XXYLT1: variants seen among roughly 807,000 people sequenced by gnomAD.
XXYLT1 encodes UDP-xylose:alpha-xyloside alpha-1,3-xylosyltransferase.
XXYLT1 carries 20 observed loss-of-function variants against 28.9 expected under a neutral mutation model. That is an observed-to-expected ratio of 0.69 (90% CI 0.49 to 1.00). The LOEUF (loss-of-function observed/expected upper bound fraction) is 1.00. Among genes scored for constraint, XXYLT1 ranks in the 50% least tolerant of loss-of-function variants. XXYLT1 has a pLI of 0.00. For missense variants in XXYLT1, 542 were observed against 560.1 expected, an observed-to-expected ratio of 0.97 and a Z score of 0.33; for synonymous variants, 257 against 253.8, an observed-to-expected ratio of 1.01 and a Z score of -0.12.
At chr3:195,185,047 C>G (rs550301641) in intron 2 of XXYLT1, among the ~76,000 whole-genome samples, 10 of 142,146 alleles carry the variant, frequency 7.0e-5, no homozygotes, top group African/African-American at 2.6e-4. Context: ...CCACAAATGA[C>G]CTCACTCCCA....
intron 2 of XXYLT1, among the ~76,000 whole-genome samples, chr3:195,169,256 G>A (rs774421444): frequency 4.6e-5 from 7 of 152,230 alleles, no homozygotes; most frequent in African/African-American, 1.7e-4. Context: ...GCTCCATCCC[G>A]GCACGGCAGC....
At chr3:195,229,820 GC>G (rs1377390047) in intron 1 of XXYLT1, among the ~76,000 whole-genome samples, 1 of 152,154 alleles carries the variant, frequency 6.6e-6, no homozygotes, top group Non-Finnish European at 1.5e-5. Flanking sequence ...CCAAATCCCA[GC>G]TATTGTGAAT....
At chr3:195,121,969 A>G (rs1718382086) in intron 3 of XXYLT1, 3 of 696,010 alleles carry the variant, frequency 4.3e-6, no homozygotes, top group Admixed American at 2.0e-5. Flanking sequence ...AGTTCAAGCT[A>G]TTATAACAAA....
intron 2 of XXYLT1, among the ~76,000 whole-genome samples, chr3:195,189,067 T>A (rs998393914): frequency 6.6e-5 from 10 of 152,182 alleles, no homozygotes; most frequent in Non-Finnish European, 1.2e-4. Context: ...CTACACTGAG[T>A]GATTTACATT....
intron 1 of XXYLT1, among the ~76,000 whole-genome samples, chr3:195,254,693 G>A (rs2108845349): frequency 6.6e-6 from 1 of 152,316 alleles, no homozygotes; most frequent in East Asian, 1.9e-4. Context: ...TGCTAAAGCT[G>A]GGCACAGCCA....
chr3:195,204,450 A>G (rs948179169), intron 2 of XXYLT1, among the ~76,000 whole-genome samples: 2 of 150,814 alleles, frequency 1.3e-5, no homozygotes, highest in African/African-American at 4.9e-5. Context: ...TGACACACAC[A>G]CGCACACACA....
chr3:195,166,182 C>T (rs572372420), intron 2 of XXYLT1, among the ~76,000 whole-genome samples: 4 of 152,158 alleles, frequency 2.6e-5, no homozygotes, highest in South Asian at 2.1e-4. Flanking sequence ...CTTCCCACAG[C>T]AGACTCCATC....
chr3:195,265,420 C>T (rs11715202), intron 1 of XXYLT1, among the ~76,000 whole-genome samples: 35,111 of 151,738 alleles, frequency 0.23, 4,766 homozygotes, highest in East Asian at 0.7. Flanking sequence ...TGAAGGCTGG[C>T]ATGAGGCTTG....
At position 195,107,555 on chromosome 3, in the gene XXYLT1, A is replaced by AG. The variant is rs1313458334; in HGVS notation, c.786-37445dup. 3.8e-3 allele frequency among the ~76,000 whole-genome samples: 13 copies of AG among 3,420 alleles called. 1 individual carries two copies. Among genetic ancestry groups the AG allele is most frequent in the Admixed American group, 9.4e-3 (2 of 212 alleles). The allele number at this position is 3,420 out of a possible 152,430, so 2.2% of individuals were successfully genotyped here. On this transcript the variant is annotated intron_variant, in intron 3 of 3. Coordinates refer to ENST00000310380, the MANE Select transcript of XXYLT1 (RefSeq NM_152531.5). ...AGGAGGAGGGGGAGGAGGAGGGGGA[A>AG]GAGGGGGAGAGGAGGAGGGGGAGGA...
chr3:195,154,621 C>T (rs1008911441), intron 3 of XXYLT1, among the ~76,000 whole-genome samples: 1 of 152,150 alleles, frequency 6.6e-6, no homozygotes, highest in Non-Finnish European at 1.5e-5. Context: ...TTGCAGGCCA[C>T]CCTCAGGGAA....
chr3:195,107,097 C>T (rs1190114363), intron 3 of XXYLT1, among the ~76,000 whole-genome samples: 5 of 151,968 alleles, frequency 3.3e-5, no homozygotes, highest in Non-Finnish European at 7.4e-5. Context: ...GGAGAGCTCT[C>T]GTTTTGTTTT....
intron 2 of XXYLT1, among the ~76,000 whole-genome samples, chr3:195,212,722 T>C (rs1723378893): frequency 1.3e-5 from 2 of 152,154 alleles, no homozygotes; most frequent in Non-Finnish European, 2.9e-5. Flanking sequence ...GTGGAACCGT[T>C]TCATCCCAAA....
At chr3:195,144,607 A>G (rs968410290) in intron 3 of XXYLT1, among the ~76,000 whole-genome samples, 3 of 149,928 alleles carry the variant, frequency 2.0e-5, no homozygotes, top group African/African-American at 7.4e-5. Flanking sequence ...CGAACTCCTG[A>G]CCCCGTGATC....
At chr3:195,169,298 G>A (rs935030059) in intron 2 of XXYLT1, among the ~76,000 whole-genome samples, 9 of 152,236 alleles carry the variant, frequency 5.9e-5, no homozygotes, top group Non-Finnish European at 1.2e-4. Flanking sequence ...CACGGTGAGT[G>A]TTCCAGGAGA....
intron 1 of XXYLT1, among the ~76,000 whole-genome samples, chr3:195,249,509 A>G (rs1426372230): frequency 6.6e-6 from 1 of 152,218 alleles, no homozygotes; most frequent in Non-Finnish European, 1.5e-5. Context: ...GTAGATGGAC[A>G]TGAGCTCATC....
At chr3:195,269,445 C>G (rs975594789) in intron 1 of XXYLT1, among the ~76,000 whole-genome samples, 4 of 152,192 alleles carry the variant, frequency 2.6e-5, no homozygotes, top group African/African-American at 7.2e-5. Context: ...TGTGGGCAGA[C>G]AGTACAGCAT....
At chr3:195,192,295 T>G (rs1368526931) in intron 2 of XXYLT1, among the ~76,000 whole-genome samples, 2 of 152,008 alleles carry the variant, frequency 1.3e-5, no homozygotes, top group South Asian at 2.1e-4. Flanking sequence ...TGTGGTGGCA[T>G]GCACCAGTAG....
At chr3:195,161,005 C>T (rs545206465) in intron 2 of XXYLT1, among the ~76,000 whole-genome samples, 189 of 152,290 alleles carry the variant, frequency 1.2e-3, no homozygotes, top group South Asian at 4.8e-3. Context: ...CAAAGGAAGA[C>T]GGGGAGCTTG....
chr3:195,223,894 T>C (rs535880154), intron 2 of XXYLT1, among the ~76,000 whole-genome samples: 1 of 152,322 alleles, frequency 6.6e-6, no homozygotes, highest in Non-Finnish European at 1.5e-5. Context: ...CGGTGGCTCA[T>C]GCCTGTAATC....
Sources: allele counts gnomAD v4.1 joint callset (sites outside exome capture counted in the v4.1 genomes callset), GRCh38; gene constraint gnomAD v4.1.1; transcripts MANE v1.5; gene names NCBI Gene and HGNC (gene_info 2026-07-23, HGNC 2026-07-21).